ZNF385D: variants seen among roughly 807,000 people sequenced by gnomAD.
ZNF385D encodes zinc finger protein 659.
ZNF385D carries 15 observed loss-of-function variants against 35.8 expected under a neutral mutation model. That is an observed-to-expected ratio of 0.42 (90% CI 0.28 to 0.64). ZNF385D has a LOEUF of 0.64. Among genes scored for constraint, ZNF385D ranks in the 30% least tolerant of loss-of-function variants. The probability of loss-of-function intolerance (pLI) is 0.23; values close to 1 mark genes in which losing one functional copy is unlikely to be tolerated. For synonymous variants in ZNF385D, 212 were observed against 186.8 expected, an observed-to-expected ratio of 1.13 and a Z score of -1.10; for missense variants, 474 against 494.6, an observed-to-expected ratio of 0.96 and a Z score of 0.39.
intron 3 of ZNF385D, among the ~76,000 whole-genome samples, chr3:21,906,626 T>C (rs994367268): frequency 6.6e-6 from 1 of 152,108 alleles, no homozygotes; most frequent in Non-Finnish European, 1.5e-5. Flanking sequence ...CAGTAATGGG[T>C]CAGTGCCACT....
At chr3:22,134,696 T>C (rs1430880002) in intron 3 of ZNF385D, among the ~76,000 whole-genome samples, 2 of 152,194 alleles carry the variant, frequency 1.3e-5, no homozygotes, top group African/African-American at 2.4e-5. Flanking sequence ...CAGAAGATTA[T>C]TTGGCTCACA....
At chr3:22,330,024 G>T (rs1694862039) in intron 2 of ZNF385D, among the ~76,000 whole-genome samples, 1 of 152,038 alleles carries the variant, frequency 6.6e-6, no homozygotes, top group South Asian at 2.1e-4. Context: ...TTGCTTAATG[G>T]CTTTTTTGTG....
chr3:21,720,436 C>G (rs1004860397), intron 1 of ZNF385D, among the ~76,000 whole-genome samples: 2 of 152,102 alleles, frequency 1.3e-5, no homozygotes, highest in Non-Finnish European at 2.9e-5. Context: ...CATCTGTACT[C>G]CCAGTTACTC....
At chr3:22,122,505 A>T (rs1703143296) in intron 3 of ZNF385D, among the ~76,000 whole-genome samples, 1 of 152,186 alleles carries the variant, frequency 6.6e-6, no homozygotes, top group South Asian at 2.1e-4. Context: ...TGAGCACTAA[A>T]TATATGTCAG....
intron 2 of ZNF385D, among the ~76,000 whole-genome samples, chr3:22,342,309 T>C (rs938656319): frequency 4.1e-5 from 6 of 146,078 alleles, no homozygotes; most frequent in Admixed American, 4.1e-4. Context: ...AAAGACTGAA[T>C]GAATTACTAT....
intron 2 of ZNF385D, among the ~76,000 whole-genome samples, chr3:22,229,408 A>G (rs1230822759): frequency 1.3e-5 from 2 of 152,160 alleles, no homozygotes; most frequent in Non-Finnish European, 2.9e-5. Context: ...GGTTTTCAGC[A>G]TTCAGTGAGG....
chr3:21,667,235 C>T (rs1283116569), intron 1 of ZNF385D, among the ~76,000 whole-genome samples: 3 of 152,196 alleles, frequency 2.0e-5, no homozygotes, highest in African/African-American at 4.8e-5. Context: ...CATTATGGCT[C>T]ACTGTAGCCT....
chr3:22,324,434 A>T (rs1289088081), intron 2 of ZNF385D, among the ~76,000 whole-genome samples: 1 of 152,152 alleles, frequency 6.6e-6, no homozygotes, highest in Admixed American at 6.5e-5. Context: ...TATATACATA[A>T]ATAGTATTTA....
chr3:22,268,778 T>C (rs1344158776), intron 2 of ZNF385D, among the ~76,000 whole-genome samples: 1 of 151,966 alleles, frequency 6.6e-6, no homozygotes, highest in Non-Finnish European at 1.5e-5. Flanking sequence ...TGTGACATCT[T>C]TGGAGACATA....
intron 3 of ZNF385D, among the ~76,000 whole-genome samples, chr3:21,888,832 A>C (rs141354526): frequency 8.2e-4 from 125 of 152,346 alleles, no homozygotes; most frequent in South Asian, 2.1e-3. Flanking sequence ...TGAGGTTGCC[A>C]AGGTGACGGC....
At chr3:21,650,865 A>C (rs1361753751) in intron 2 of ZNF385D, among the ~76,000 whole-genome samples, 1 of 152,132 alleles carries the variant, frequency 6.6e-6, no homozygotes, top group African/African-American at 2.4e-5. Context: ...GAGTTAACTG[A>C]TGGGAAGTTT....
chr3:22,275,090 A>G (rs1189158903), intron 2 of ZNF385D, among the ~76,000 whole-genome samples: 1 of 152,112 alleles, frequency 6.6e-6, no homozygotes. Flanking sequence ...TTTCTCACAC[A>G]TAACTAGTGG....
At chr3:22,153,461 CTTCTTT>C (rs1705391617) in intron 3 of ZNF385D, among the ~76,000 whole-genome samples, 1 of 119,516 alleles carries the variant, frequency 8.4e-6, no homozygotes. Context: ...CCATGAAATT[CTTCTTT>C]TTTTTTTTTT....
At chr3:21,827,903 G>A (rs1694748287) in intron 3 of ZNF385D, among the ~76,000 whole-genome samples, 1 of 152,072 alleles carries the variant, frequency 6.6e-6, no homozygotes, top group African/African-American at 2.4e-5. Flanking sequence ...AAAGAGTGTT[G>A]GTAGAGGGCT....
chr3:22,106,656 T>C (rs561255744), intron 3 of ZNF385D, among the ~76,000 whole-genome samples: 1 of 152,284 alleles, frequency 6.6e-6, no homozygotes, highest in South Asian at 2.1e-4. Flanking sequence ...CTGAGGCCAG[T>C]TGGCTGAAGG....
intron 3 of ZNF385D, among the ~76,000 whole-genome samples, chr3:21,998,957 G>T (rs1433553930): frequency 6.6e-6 from 1 of 151,982 alleles, no homozygotes; most frequent in Admixed American, 6.6e-5. Context: ...CCCTTAAAAA[G>T]TGATAAAGAG....
intron 2 of ZNF385D, among the ~76,000 whole-genome samples, chr3:22,259,331 T>C (rs1422075984): frequency 1.3e-5 from 2 of 151,992 alleles, no homozygotes; most frequent in Non-Finnish European, 2.9e-5. Flanking sequence ...AATTTTTGCA[T>C]GAAAACATGA....
intron 3 of ZNF385D, among the ~76,000 whole-genome samples, chr3:22,022,912 A>G (rs1003279726): frequency 8.5e-5 from 13 of 152,170 alleles, no homozygotes; most frequent in Non-Finnish European, 1.9e-4. Context: ...CACGGAAGGC[A>G]AATATGGTTG....
At chr3:21,981,778 T>C (rs1158429460) in intron 3 of ZNF385D, among the ~76,000 whole-genome samples, 1 of 152,216 alleles carries the variant, frequency 6.6e-6, no homozygotes, top group Non-Finnish European at 1.5e-5. Context: ...ATCTTCTGCT[T>C]ATGGCTAGTC....
Sources: gnomAD v4.1 joint callset for allele counts (sites outside exome capture counted in the v4.1 genomes callset) on GRCh38, gnomAD v4.1.1 for gene constraint, MANE v1.5 for transcripts, NCBI Gene and HGNC (gene_info 2026-07-23, HGNC 2026-07-21) for gene names.